Variants in ARHGAP11B observed in about 807,000 individuals in gnomAD.
ARHGAP11B encodes the protein inactive Rho GTPase-activating protein 11B.
A neutral mutation model predicts 27.6 loss-of-function variants in ARHGAP11B; 14 were observed. The observed-to-expected ratio is 0.51, with a 90% CI of 0.34 to 0.79. The LOEUF is 0.79. Among genes scored for constraint, ARHGAP11B ranks in the 30% least tolerant of loss-of-function variants. The pLI is 0.02. For synonymous variants in ARHGAP11B, 82 were observed against 114.1 expected (o/e 0.72, Z 1.80); for missense variants, 245 against 320.1 (o/e 0.77, Z 1.79).
intron 7 of ARHGAP11B, among the ~76,000 whole-genome samples, chr15:30,642,871 A>C (rs933152402): frequency 6.6e-6 from 1 of 152,062 alleles, no homozygotes; most frequent in Non-Finnish European, 1.5e-5. Flanking sequence ...GGGTTATTTG[A>C]CACTTGAAGT....
At chr15:30,629,649 A>T (rs1232839038) in intron 1 of ARHGAP11B, among the ~76,000 whole-genome samples, 1 of 152,092 alleles carries the variant, frequency 6.6e-6, no homozygotes, top group African/African-American at 2.4e-5. Flanking sequence ...TTTGTAAATT[A>T]ATTGGAGCCA....
At chr15:30,639,942 C>T (rs1480811983) in intron 7 of ARHGAP11B, among the ~76,000 whole-genome samples, 2 of 150,356 alleles carry the variant, frequency 1.3e-5, no homozygotes, top group Non-Finnish European at 3.0e-5. Flanking sequence ...AACCCCCTGC[C>T]TTTTAAAATA....
intron 6 of ARHGAP11B, among the ~76,000 whole-genome samples, chr15:30,638,109 TG>T (rs11297143): frequency 1 from 148,072 of 148,072 alleles, 74,036 homozygotes; most frequent in Non-Finnish European, 1. Context: ...TGTGAGCCAC[TG>T]GCACCTGGCC....
chr15:30,643,575 C>T (rs2060327780), intron 7 of ARHGAP11B, among the ~76,000 whole-genome samples: 1 of 152,036 alleles, frequency 6.6e-6, no homozygotes, highest in Non-Finnish European at 1.5e-5. Flanking sequence ...CGGCACCTGG[C>T]CTTTGTATGT....
chr15:30,627,764 C>T (rs559645197), intron 1 of ARHGAP11B, among the ~76,000 whole-genome samples: 12 of 151,980 alleles, frequency 7.9e-5, no homozygotes, highest in African/African-American at 2.9e-4. Context: ...TATGGTACTT[C>T]CTAGTACTTG....
intron 2 of ARHGAP11B, among the ~76,000 whole-genome samples, chr15:30,631,840 G>A (rs1450707364): frequency 6.9e-6 from 1 of 145,784 alleles, no homozygotes; most frequent in Non-Finnish European, 1.5e-5. Flanking sequence ...AGGCTGGAGT[G>A]CAATGGCGTG....
exon 6 of ARHGAP11B, chr15:30,635,548 T>C: frequency 6.2e-7 from 1 of 1,613,138 alleles, no homozygotes; most frequent in Non-Finnish European, 8.5e-7. Flanking sequence ...ATGGTCTCTG[T>C]GCTACTCCAT....
chr15:30,628,914 A>G (rs541744655), intron 1 of ARHGAP11B, among the ~76,000 whole-genome samples: 35 of 152,200 alleles, frequency 2.3e-4, no homozygotes, highest in African/African-American at 7.9e-4. Context: ...TTCTAGTTAT[A>G]TATAACAGAA....
exon 1 of ARHGAP11B, chr15:30,626,507 G>T: frequency 2.6e-6 from 1 of 380,976 alleles, no homozygotes; most frequent in Non-Finnish European, 4.7e-6. Context: ...GCGAGAAACC[G>T]AAAGAATCAG....
At chr15:30,631,594 G>A in intron 2 of ARHGAP11B, among the ~76,000 whole-genome samples, 1 of 151,972 alleles carries the variant, frequency 6.6e-6, no homozygotes, top group East Asian at 1.9e-4. Context: ...TTGACCCTAG[G>A]AGTTTGAGGC....
At chr15:30,638,718 T>C in intron 6 of ARHGAP11B, 28 bp from the exon 7 acceptor site, 2 of 1,334,498 alleles carry the variant, frequency 1.5e-6, no homozygotes, top group Non-Finnish European at 2.0e-6. Flanking sequence ...AAATGTGAAG[T>C]TGTAATTGCT....
rs564369162 is a variant in ARHGAP11B at position 30,630,284 on chromosome 15, G to A, written c.130-419G>A. On this transcript the variant is annotated intron_variant, in intron 1 of 10. Transcript: ENST00000428041. ...TCAATTGACTTAGTCTTTTGTGTAA[G>A]TATTTATAAGGTGACCAAAAGAAAG... 6.0e-4 allele frequency among the ~76,000 whole-genome samples: 91 copies of A among 152,154 alleles called. 2 individuals carry two copies. Among genetic ancestry groups the A allele is most frequent in the African/African-American group, 2.1e-3 (87 of 41,538 alleles).
rs561343093 is a variant in ARHGAP11B, at chr15:30,641,338, CT to C, written c.*78+2532del. On this transcript the variant is annotated intron_variant, in intron 7 of 10. Coordinates refer to ENST00000428041, the Ensembl canonical transcript of ARHGAP11B. ...ATAGAGTATCTATTCATAATTGTCT[CT>C]TTTTTTTTTTTTTGAGACAGAGTTT... is the stretch of plus-strand genomic sequence containing the variant. Among the ~76,000 whole-genome samples, 194 of 142,582 alleles carry C rather than the reference CT, an allele frequency of 1.4e-3. 1 individual carries two copies. Among genetic ancestry groups the C allele is most frequent in the East Asian group, 3.6e-3 (18 of 4,944 alleles). 93.5% of individuals were successfully genotyped at this position (142,582 alleles called of 152,430 possible).
chr15:30,643,473 T>G (rs1055235222), intron 7 of ARHGAP11B, among the ~76,000 whole-genome samples: 3 of 151,952 alleles, frequency 2.0e-5, no homozygotes, highest in Non-Finnish European at 4.4e-5. Flanking sequence ...GAGACGGGAT[T>G]TTATCATGTT....
chr15:30,643,519 C>A (rs567574113), intron 7 of ARHGAP11B, among the ~76,000 whole-genome samples: 1 of 151,970 alleles, frequency 6.6e-6, no homozygotes. Flanking sequence ...CCTCATGATC[C>A]GCCTGCCTAG....
At chr15:30,628,673 A>G (rs1172919580) in intron 1 of ARHGAP11B, among the ~76,000 whole-genome samples, 1 of 152,084 alleles carries the variant, frequency 6.6e-6, no homozygotes, top group African/African-American at 2.4e-5. Context: ...ACGCCATATA[A>G]ATTCAGCTAG....
chr15:30,646,084 C>G, intron 8 of ARHGAP11B: 1 of 672,302 alleles, frequency 1.5e-6, no homozygotes, highest in Non-Finnish European at 1.9e-6. Flanking sequence ...TTCTCATCAT[C>G]ATACTTCTGT....
chr15:30,632,723 C>T (rs1221723864), intron 2 of ARHGAP11B, among the ~76,000 whole-genome samples: 1 of 151,366 alleles, frequency 6.6e-6, no homozygotes, highest in Non-Finnish European at 1.5e-5. Context: ...AAATTGAGCA[C>T]ATTCCCCTTA....
chr15:30,634,513 TG>T (rs2060266596), intron 4 of ARHGAP11B, 90 bp downstream of exon 4: 1 of 1,453,704 alleles, frequency 6.9e-7, no homozygotes, highest in South Asian at 1.4e-5. Flanking sequence ...TCATTTGGAA[TG>T]GAAATTTTTC....
Sources: allele counts gnomAD v4.1 joint callset (sites outside exome capture counted in the v4.1 genomes callset), GRCh38; gene constraint gnomAD v4.1.1; transcripts MANE v1.5; gene names NCBI Gene and HGNC (gene_info 2026-07-23, HGNC 2026-07-21).